CWC22: variants seen among roughly 807,000 people sequenced by gnomAD.
CWC22 encodes the protein pre-mRNA-splicing factor CWC22 homolog.
A neutral mutation model predicts 117.2 loss-of-function variants in CWC22; 53 were observed. The observed-to-expected ratio is 0.45, with a 90% CI of 0.36 to 0.57. CWC22 has a LOEUF of 0.57. Ranked by LOEUF, CWC22 falls within the 20% of genes least tolerant of loss-of-function variation. CWC22 has a pLI of 0.00. For synonymous variants in CWC22, 360 were observed against 355.6 expected (o/e 1.01, Z -0.14); for missense variants, 980 against 1,068.8 (o/e 0.92, Z 1.16).
chr2:179,959,169 A>T lies in CWC22; in HGVS notation c.1398-87T>A, dbSNP rs1415227337. 3 of 811,238 alleles carry T rather than the reference A, an allele frequency of 3.7e-6. No homozygotes were observed. The African/African-American group carries it at 5.2e-5, about 14-fold the overall frequency. The allele number at this position is 811,238 out of a possible 1,614,324, so 50.3% of individuals were successfully genotyped here. A position where few individuals can be genotyped will look rare whatever the true frequency, so the allele number is the denominator to read the frequency against. On this transcript the variant is annotated intron_variant, in intron 13 of 19. Transcript: ENST00000410053. ...AGAATCTTACTTTAATAATGGTTTT[A>T]AATCATCTTTTTTAACTGTAATTTC...
chr2:179,950,074 T>G (rs1686406146), intron 19 of CWC22, among the ~76,000 whole-genome samples: 1 of 152,176 alleles, frequency 6.6e-6, no homozygotes, highest in Non-Finnish European at 1.5e-5. Flanking sequence ...GTGCTAGCTA[T>G]GAGGATGTGT....
intron 14 of CWC22, among the ~76,000 whole-genome samples, chr2:179,955,914 T>G (rs895687944): frequency 5.3e-5 from 8 of 151,992 alleles, no homozygotes; most frequent in African/African-American, 1.9e-4. Flanking sequence ...AAAAAAGGTG[T>G]TAATTCATCT....
chr2:179,952,613 A>T lies in CWC22; in HGVS notation c.1690-15T>A. 7.5e-7 allele frequency: 1 copy of T among 1,327,034 alleles called. No individual in the cohort carries two copies. The highest frequency in any genetic ancestry group is 1.0e-6 in the Non-Finnish European group (1 of 984,200). The allele number at this position is 1,327,034 out of a possible 1,614,324, so 82.2% of individuals were successfully genotyped here. A position where few individuals can be genotyped will look rare whatever the true frequency, so the allele number is the denominator to read the frequency against. On this transcript the variant is annotated splice_polypyrimidine_tract_variant and intron_variant, in intron 16 of 19. Transcript: ENST00000410053. ...CATTCAAGAACCTGAAAATTAAAAT[A>T]AAAAAAGACAAGTATATTTTAATTT...
chr2:179,963,776 A>G (rs1197549169), intron 13 of CWC22, among the ~76,000 whole-genome samples: 1 of 152,258 alleles, frequency 6.6e-6, no homozygotes, highest in Non-Finnish European at 1.5e-5. Flanking sequence ...CTGAAAACAG[A>G]TGACTCCTAC....
chr2:179,954,460 A>C, intron 15 of CWC22, 103 bp from the exon 16 acceptor site: 2 of 698,724 alleles, frequency 2.9e-6, no homozygotes, highest in Non-Finnish European at 2.3e-6. Context: ...AATATGCTTT[A>C]TATTTTCAAA....
chr2:179,971,228 A>C (rs1316563853), intron 8 of CWC22, among the ~76,000 whole-genome samples, 152 bp from the exon 9 acceptor site: 1 of 152,152 alleles, frequency 6.6e-6, no homozygotes, highest in Non-Finnish European at 1.5e-5. Flanking sequence ...AAATACTCCA[A>C]ATATGGGATA....
At chr2:179,987,567 G>A (rs1484277079) in intron 3 of CWC22, among the ~76,000 whole-genome samples, 2 of 152,020 alleles carry the variant, frequency 1.3e-5, no homozygotes, top group Non-Finnish European at 2.9e-5. Flanking sequence ...ATGAATCAGG[G>A]CAATTAACTT....
intron 1 of CWC22, among the ~76,000 whole-genome samples, chr2:179,996,545 T>C (rs1012881639): frequency 2.0e-5 from 3 of 152,106 alleles, no homozygotes; most frequent in Non-Finnish European, 4.4e-5. Context: ...TGTTGACTTC[T>C]CATCAGAAAC....
chr2:179,994,752 T>G (rs1237281421), intron 1 of CWC22, among the ~76,000 whole-genome samples: 3 of 152,238 alleles, frequency 2.0e-5, no homozygotes, highest in Admixed American at 1.3e-4. Flanking sequence ...ATACGCTTAT[T>G]AACAGGCTCT....
intron 4 of CWC22, among the ~76,000 whole-genome samples, chr2:179,985,860 G>A (rs549105827): frequency 4.9e-4 from 75 of 151,990 alleles, no homozygotes; most frequent in African/African-American, 1.8e-3. Context: ...GCAGTTTCAG[G>A]CACCCACTGG....
chr2:180,004,705 C>A (rs1385571961), intron 1 of CWC22, among the ~76,000 whole-genome samples: 2 of 151,736 alleles, frequency 1.3e-5, no homozygotes, highest in South Asian at 4.2e-4. Flanking sequence ...CCCTCCCCCC[C>A]AGGAGAGTTA....
intron 3 of CWC22, among the ~76,000 whole-genome samples, chr2:179,987,707 A>AT (rs1687455808): frequency 6.6e-6 from 1 of 152,134 alleles, no homozygotes; most frequent in African/African-American, 2.4e-5. Context: ...ATTATTTTTA[A>AT]TGGGCATAAA....
At chr2:179,955,478 G>T (rs1018244178) in intron 14 of CWC22, among the ~76,000 whole-genome samples, 1 of 151,906 alleles carries the variant, frequency 6.6e-6, no homozygotes, top group African/African-American at 2.4e-5. Context: ...CATGGAAAAG[G>T]CAGATCATTA....
At position 179,978,338 on chromosome 2, in the gene CWC22, A is replaced by G; in HGVS notation, c.453-20T>C. Reference sequence around the variant, plus strand: ...GCTAAGCTAAAAAGAAGTGATTTTAATAAAGATTAAAACTTAATTACAATA... The same window carrying G: ...GCTAAGCTAAAAAGAAGTGATTTTAGTAAAGATTAAAACTTAATTACAATA... On this transcript the variant is annotated intron_variant, in intron 5 of 19. Transcript: ENST00000410053. 1 of 1,441,978 alleles carries G rather than the reference A, an allele frequency of 6.9e-7. No individual in the cohort carries two copies. The highest frequency in any genetic ancestry group is 9.1e-7 in the Non-Finnish European group (1 of 1,099,966). 89.3% of individuals were successfully genotyped at this position (1,441,978 alleles called of 1,614,324 possible).
rs1686680147 is a variant in CWC22, at chr2:179,959,093, G to C, written c.1398-11C>G. ...TCTTCAAAATCTAAACTGTGGAAAT[G>C]ATCACAATAGGTTAAAAGCTTGCAA... On this transcript the variant is annotated splice_polypyrimidine_tract_variant and intron_variant, in intron 13 of 19. Coordinates refer to ENST00000410053, the MANE Select transcript of CWC22 (RefSeq NM_020943.3). 6.5e-7 allele frequency: 1 copy of C among 1,543,854 alleles called. No individual in the cohort carries two copies. Among genetic ancestry groups the C allele is most frequent in the African/African-American group, 1.4e-5 (1 of 73,224 alleles).
chr2:179,949,579 G>C (rs552955594), intron 19 of CWC22, among the ~76,000 whole-genome samples: 1 of 152,278 alleles, frequency 6.6e-6, no homozygotes, highest in South Asian at 2.1e-4. Flanking sequence ...GCCGGTGGGA[G>C]TGTAAATAGG....
intron 1 of CWC22, among the ~76,000 whole-genome samples, chr2:179,995,220 T>G (rs1346238097): frequency 6.6e-6 from 1 of 152,236 alleles, no homozygotes; most frequent in African/African-American, 2.4e-5. Flanking sequence ...ATGACATCAT[T>G]GTTTGAACTT....
At chr2:179,981,583 G>A (rs554255343) in intron 5 of CWC22, among the ~76,000 whole-genome samples, 169 bp downstream of exon 5, 1 of 152,274 alleles carries the variant, frequency 6.6e-6, no homozygotes, top group African/African-American at 2.4e-5. Flanking sequence ...ATAAGGGCAC[G>A]TAGTGTGTGG....
chr2:179,976,201 G>C (rs568451993), intron 6 of CWC22, among the ~76,000 whole-genome samples: 1 of 152,150 alleles, frequency 6.6e-6, no homozygotes, highest in South Asian at 2.1e-4. Flanking sequence ...ATACCCAGAT[G>C]CAGAAGAATG....
Sources: allele counts gnomAD v4.1 joint callset (sites outside exome capture counted in the v4.1 genomes callset), GRCh38; gene constraint gnomAD v4.1.1; transcripts MANE v1.5; gene names NCBI Gene and HGNC (gene_info 2026-07-23, HGNC 2026-07-21).